NUAK1: variants seen among roughly 807,000 people sequenced by gnomAD.
NUAK1 encodes the protein NUAK family SNF1-like kinase 1.
In NUAK1, 26 loss-of-function variants were observed where a neutral mutation model predicts 56.9. The ratio of observed to expected loss-of-function variants is 0.46; its 90% CI spans 0.33 to 0.63. The LOEUF (loss-of-function observed/expected upper bound fraction) is 0.63, where lower values mean the gene tolerates loss of function less well. Among genes scored for constraint, NUAK1 ranks in the 30% least tolerant of loss-of-function variants. The probability of loss-of-function intolerance (pLI) is 0.02; values close to 1 mark genes in which losing one functional copy is unlikely to be tolerated. For synonymous variants in NUAK1, 337 were observed against 336.0 expected (o/e 1.00, Z -0.03); for missense variants, 727 against 876.1 (o/e 0.83, Z 2.15).
In NUAK1 at chr12:106,067,004, C is replaced by T. The variant is rs141618950; in HGVS notation, c.1784G>A (p.Arg595His). The T allele has an allele frequency of 6.8e-5, 109 of 1,614,098 alleles. No individual in the cohort carries two copies. Among genetic ancestry groups the T allele is most frequent in the East Asian group, 2.2e-4 (10 of 44,892 alleles). Residue 595 changes from arginine to histidine, a missense_variant, in exon 7 of 7, where the codon CGC becomes CAC. Transcript: ENST00000261402. The surrounding 1 kb of genome is among the most constrained non-coding windows in gnomAD (Gnocchi z 6.0). ...LLDLQENRPA[R>H]QRIRSCVSAE... is the part of the protein sequence containing the mutation. ...AGAGACGCAGCTGCGGATGCGCTGGCGGGCAGGGCGATTCTCCTGCAAATC... is the reference window on the plus strand; with the variant it reads ...AGAGACGCAGCTGCGGATGCGCTGGTGGGCAGGGCGATTCTCCTGCAAATC...
intron 6 of NUAK1, 92 bp downstream of exon 6, chr12:106,070,678 CCAGA>C: frequency 6.7e-7 from 1 of 1,491,386 alleles, no homozygotes; most frequent in Non-Finnish European, 9.3e-7. Flanking sequence ...CCAGGTGACT[CCAGA>C]CAGACATACT....
intron 5 of NUAK1, 54 bp from the exon 6 acceptor site, chr12:106,070,960 C>A: frequency 1.2e-6 from 2 of 1,600,578 alleles, no homozygotes; most frequent in Non-Finnish European, 1.7e-6. Flanking sequence ...TCCCAAGATG[C>A]CTTCCAAACC....
At chr12:106,081,903 T>C (rs1025936898) in intron 4 of NUAK1, among the ~76,000 whole-genome samples, 1 of 152,162 alleles carries the variant, frequency 6.6e-6, no homozygotes, top group African/African-American at 2.4e-5. Context: ...ATAAGGTTGA[T>C]GACACAAACC....
At chr12:106,093,180 T>C (rs943088681) in intron 2 of NUAK1, among the ~76,000 whole-genome samples, 7 of 152,218 alleles carry the variant, frequency 4.6e-5, no homozygotes, top group African/African-American at 1.7e-4. Context: ...AAAGCAGGCA[T>C]GGAACTGAAC....
At chr12:106,132,413 A>G (rs1397630712) in intron 1 of NUAK1, among the ~76,000 whole-genome samples, 3 of 152,226 alleles carry the variant, frequency 2.0e-5, no homozygotes, top group East Asian at 1.9e-4. Flanking sequence ...GACAATAAGT[A>G]TCTTTGCAGG....
chr12:106,069,071 T>G (rs111535176), intron 6 of NUAK1, among the ~76,000 whole-genome samples: 18 of 152,144 alleles, frequency 1.2e-4, no homozygotes, highest in Admixed American at 3.9e-4. Flanking sequence ...AAATTATATA[T>G]AGAGAGAGAG....
rs1196434488 is a variant in NUAK1, at chr12:106,067,318, C to A, written c.1470G>T (p.Leu490=). ...SSPERSESSE[L]LDSNDVMGSS... ...TGCCCATCACATCATTACTGTCCAACAGCTCCGAAGACTCACTGCGCTCTG... is the reference window on the plus strand; with the variant it reads ...TGCCCATCACATCATTACTGTCCAAAAGCTCCGAAGACTCACTGCGCTCTG... Residue 490 remains leucine (L), a synonymous_variant, in exon 7 of 7, where the codon CTG becomes CTT. Transcript: ENST00000261402. The surrounding 1 kb of genome is among the most constrained non-coding windows in gnomAD (Gnocchi z 6.0). 12 of 1,614,118 alleles carry A rather than the reference C, an allele frequency of 7.4e-6. No homozygotes were observed. The highest frequency in any genetic ancestry group is 2.7e-5 in the African/African-American group (2 of 74,938).
chr12:106,113,780 G>A (rs1395584993), intron 1 of NUAK1, among the ~76,000 whole-genome samples: 1 of 151,588 alleles, frequency 6.6e-6, no homozygotes, highest in Non-Finnish European at 1.5e-5. Context: ...TTTACCCCTG[G>A]TAAATGGAAA....
chr12:106,106,381 T>C (rs201254021), intron 2 of NUAK1, 24 bp downstream of exon 2: 2 of 927,676 alleles, frequency 2.2e-6, no homozygotes, highest in East Asian at 4.3e-5. Context: ...GATATGGGGG[T>C]TAAAAAAAAA....
intron 1 of NUAK1, among the ~76,000 whole-genome samples, chr12:106,137,545 T>C (rs888041917): frequency 1.3e-5 from 2 of 152,136 alleles, no homozygotes; most frequent in Non-Finnish European, 2.9e-5. Flanking sequence ...TCTGCAGAAG[T>C]GAAAATAACA....
At chr12:106,085,815 T>C (rs956839375) in intron 3 of NUAK1, among the ~76,000 whole-genome samples, 1 of 152,122 alleles carries the variant, frequency 6.6e-6, no homozygotes, top group Non-Finnish European at 1.5e-5. Context: ...CAAGGGATCC[T>C]CCTGTCTCAG....
intron 2 of NUAK1, among the ~76,000 whole-genome samples, chr12:106,092,842 C>T (rs536754869): frequency 6.6e-6 from 1 of 152,186 alleles, no homozygotes. Flanking sequence ...CTCTCCACCC[C>T]CTTCCTCCAT....
intron 1 of NUAK1, among the ~76,000 whole-genome samples, chr12:106,112,776 C>A (rs1422880562): frequency 3.9e-5 from 6 of 152,128 alleles, no homozygotes; most frequent in Non-Finnish European, 8.8e-5. Flanking sequence ...GGCTCTGAGG[C>A]GAGGCACTGA....
At chr12:106,116,596 T>C (rs747904038) in intron 1 of NUAK1, among the ~76,000 whole-genome samples, 1 of 152,198 alleles carries the variant, frequency 6.6e-6, no homozygotes, top group Admixed American at 6.5e-5. Flanking sequence ...CTAAGGCACA[T>C]AAATAAATAG....
intron 2 of NUAK1, among the ~76,000 whole-genome samples, chr12:106,093,216 T>C (rs1178528331): frequency 6.6e-6 from 1 of 152,226 alleles, no homozygotes; most frequent in Non-Finnish European, 1.5e-5. Flanking sequence ...GGGTTTTGCT[T>C]TTGAGATAGT....
chr12:106,066,774 C>T lies in NUAK1; in HGVS notation c.*28G>A. The T allele has an allele frequency of 6.4e-7, 1 of 1,567,602 alleles. No individual in the cohort carries two copies. Among genetic ancestry groups the T allele is most frequent in the Non-Finnish European group, 8.7e-7 (1 of 1,150,290 alleles). On this transcript the variant is annotated 3_prime_UTR_variant, in exon 7 of 7. Transcript: ENST00000261402. ...CTTGCTCCCCTTCCTCCCTCGTACC[C>T]CCGCCCGCCCCTGGGCGCCCTGGAA... is the stretch of plus-strand genomic sequence containing the variant.
chr12:106,136,728 C>G (rs1175717784), intron 1 of NUAK1, among the ~76,000 whole-genome samples: 1 of 152,196 alleles, frequency 6.6e-6, no homozygotes, highest in Non-Finnish European at 1.5e-5. Flanking sequence ...ATTCTGCTTC[C>G]CACCTTCCCA....
chr12:106,104,576 C>G (rs896174829), intron 2 of NUAK1, among the ~76,000 whole-genome samples: 3 of 152,132 alleles, frequency 2.0e-5, no homozygotes, highest in African/African-American at 2.4e-5. Flanking sequence ...TGGGTGAAGC[C>G]TGAGAATCTG....
At position 106,067,010 on chromosome 12, in the gene NUAK1, G is replaced by C. The variant is rs1347505753; in HGVS notation, c.1778C>G (p.Pro593Arg). ...FDLLDLQENR[P>R]ARQRIRSCVS... The stretch of plus-strand genomic sequence containing the variant: ...GCAGCTGCGGATGCGCTGGCGGGCA[G>C]GGCGATTCTCCTGCAAATCCAGCAA... Residue 593 changes from proline to arginine, a missense_variant, in exon 7 of 7, where the codon CCT becomes CGT. Coordinates refer to ENST00000261402, the MANE Select transcript of NUAK1 (RefSeq NM_014840.3). The surrounding 1 kb of genome is among the most constrained non-coding windows in gnomAD (Gnocchi z 6.0). 6.2e-7 allele frequency: 1 copy of C among 1,614,252 alleles called. No individual in the cohort carries two copies. Among genetic ancestry groups the C allele is most frequent in the Non-Finnish European group, 8.5e-7 (1 of 1,180,050 alleles).
Sources: gnomAD v4.1 joint callset for allele counts (sites outside exome capture counted in the v4.1 genomes callset) on GRCh38, gnomAD v4.1.1 for gene constraint, Gnocchi (gnomAD v3.1) non-coding constraint, MANE v1.5 for transcripts, NCBI Gene and HGNC (gene_info 2026-07-23, HGNC 2026-07-21) for gene names.